BBOX1: variants seen among roughly 807,000 people sequenced by gnomAD.
BBOX1 encodes the protein gamma-butyrobetaine dioxygenase.
BBOX1 carries 35 observed loss-of-function variants against 41.6 expected under a neutral mutation model. The ratio of observed to expected loss-of-function variants is 0.84; its 90% CI spans 0.64 to 1.11. The LOEUF (loss-of-function observed/expected upper bound fraction) is 1.11. BBOX1 is among the 50% of genes most tolerant of loss of function. BBOX1 has a pLI of 0.00. For missense variants in BBOX1, 458 were observed against 460.6 expected (o/e 0.99, Z 0.05); for synonymous variants, 163 against 154.7 (o/e 1.05, Z -0.40).
chr11:27,062,051 G>A (rs1857147029), intron 4 of BBOX1, among the ~76,000 whole-genome samples: 1 of 152,182 alleles, frequency 6.6e-6, no homozygotes, highest in Non-Finnish European at 1.5e-5. Context: ...GGAACTTGAA[G>A]GGATGAAGGA....
intron 4 of BBOX1, among the ~76,000 whole-genome samples, chr11:27,080,651 G>A (rs866746413): frequency 2.0e-5 from 3 of 152,072 alleles, no homozygotes; most frequent in Non-Finnish European, 4.4e-5. Context: ...GACTCAGGCA[G>A]GTTGATGGAT....
At chr11:27,073,096 G>A (rs368869799) in intron 4 of BBOX1, among the ~76,000 whole-genome samples, 1 of 152,104 alleles carries the variant, frequency 6.6e-6, no homozygotes. Context: ...CTTCTGCACA[G>A]CAAAAGAAAC....
intron 4 of BBOX1, among the ~76,000 whole-genome samples, chr11:27,067,488 A>AT (rs1333273795): frequency 2.6e-5 from 4 of 151,932 alleles, no homozygotes; most frequent in African/African-American, 9.7e-5. Context: ...TAATCCCAGG[A>AT]TTTTGGGAGG....
At chr11:27,119,614 ATATT>A in intron 6 of BBOX1, 31 bp from the exon 7 acceptor site, 2 of 1,136,418 alleles carry the variant, frequency 1.8e-6, no homozygotes, top group Non-Finnish European at 2.3e-6. Flanking sequence ...ATGTAATTTA[ATATT>A]TATTTAATAA....
At chr11:27,117,206 G>A (rs551260811) in intron 6 of BBOX1, among the ~76,000 whole-genome samples, 1 of 151,972 alleles carries the variant, frequency 6.6e-6, no homozygotes, top group Non-Finnish European at 1.5e-5. Flanking sequence ...GAAAATTTGG[G>A]CAATTCTTAA....
At chr11:27,064,315 C>T (rs1163263417) in intron 4 of BBOX1, among the ~76,000 whole-genome samples, 1 of 152,074 alleles carries the variant, frequency 6.6e-6, no homozygotes, top group African/African-American at 2.4e-5. Flanking sequence ...TAAGCCACCA[C>T]ATCATCTTCC....
chr11:27,082,282 G>A (rs1158065450), intron 4 of BBOX1, among the ~76,000 whole-genome samples: 1 of 152,070 alleles, frequency 6.6e-6, no homozygotes, highest in Non-Finnish European at 1.5e-5. Flanking sequence ...GGTTTAAAAG[G>A]TATATTGTGC....
intron 7 of BBOX1, among the ~76,000 whole-genome samples, chr11:27,120,667 C>T (rs1214468640): frequency 6.6e-6 from 1 of 152,064 alleles, no homozygotes; most frequent in African/African-American, 2.4e-5. Flanking sequence ...AATTAACTTA[C>T]ATTTTGTTTC....
intron 7 of BBOX1, among the ~76,000 whole-genome samples, chr11:27,121,947 A>G (rs1262334003): frequency 6.6e-6 from 1 of 152,154 alleles, no homozygotes; most frequent in Non-Finnish European, 1.5e-5. Flanking sequence ...AAATTTCAAA[A>G]TTTGGCCATG....
intron 8 of BBOX1, 130 bp downstream of exon 8, chr11:27,125,950 C>T: frequency 2.1e-6 from 2 of 955,080 alleles, no homozygotes; most frequent in Non-Finnish European, 3.0e-6. Flanking sequence ...TCTTGGTGAG[C>T]AACTGACTTG....
chr11:27,109,765 T>G (rs1051837121), intron 5 of BBOX1, among the ~76,000 whole-genome samples: 4 of 151,896 alleles, frequency 2.6e-5, no homozygotes, highest in African/African-American at 9.7e-5. Flanking sequence ...AAAATGAACA[T>G]GAAACACTAG....
chr11:27,109,045 T>A (rs1858964284), intron 5 of BBOX1, among the ~76,000 whole-genome samples: 1 of 152,090 alleles, frequency 6.6e-6, no homozygotes, highest in Admixed American at 6.6e-5. Flanking sequence ...TCAAAAGTAT[T>A]TGTTGTACTC....
intron 3 of BBOX1, among the ~76,000 whole-genome samples, chr11:27,055,991 T>C (rs1050921237): frequency 5.9e-5 from 9 of 152,158 alleles, no homozygotes; most frequent in African/African-American, 1.9e-4. Flanking sequence ...TGTTTCTCTC[T>C]TCCAAATTTA....
In BBOX1 at chr11:27,115,442, C is replaced by T; in HGVS notation, c.534-10C>T. 4 of 1,601,892 alleles carry T rather than the reference C, an allele frequency of 2.5e-6. No individual in the cohort carries two copies. The highest frequency in any genetic ancestry group is 2.6e-6 in the Non-Finnish European group (3 of 1,173,316). On this transcript the variant is annotated splice_polypyrimidine_tract_variant and intron_variant, in intron 5 of 8. Transcript: ENST00000263182. Reference sequence around the variant, plus strand: ...AACCTGTTTAAACATGTGTTTCTTGCATTTTACAGACATACTTGGCAAGTG... The same window carrying T: ...AACCTGTTTAAACATGTGTTTCTTGTATTTTACAGACATACTTGGCAAGTG...
intron 5 of BBOX1, among the ~76,000 whole-genome samples, chr11:27,106,607 A>G (rs1220413220): frequency 6.6e-6 from 1 of 152,136 alleles, no homozygotes; most frequent in African/African-American, 2.4e-5. Context: ...GAGACCTACA[A>G]AGAGACTTAG....
intron 4 of BBOX1, among the ~76,000 whole-genome samples, chr11:27,078,002 G>T (rs1464158040): frequency 2.0e-5 from 3 of 151,936 alleles, no homozygotes; most frequent in African/African-American, 7.3e-5. Flanking sequence ...ATTCTTCACT[G>T]GGGCTTTCCA....
In BBOX1 at chr11:27,057,063, T is replaced by TAAAAAAAAAAAAAA. The variant is rs1459422645; in HGVS notation, c.220-138_220-137insAAAAAAAAAAAAAA. On this transcript the variant is annotated intron_variant, in intron 3 of 8. Transcript: ENST00000263182. ...CCTGGCAACAGAGGAAGACTCCGAC[T>TAAAAAAAAAAAAAA]TAAAAAAAAAAAAAAAAAAAAATTA... 144 of 149,762 alleles carry TAAAAAAAAAAAAAA rather than the reference T, an allele frequency of 9.6e-4. 25 individuals are homozygous for TAAAAAAAAAAAAAA. Among genetic ancestry groups the TAAAAAAAAAAAAAA allele is most frequent in the African/African-American group, 5.9e-3 (93 of 15,852 alleles). The allele number at this position is 149,762 out of a possible 1,614,324, so 9.3% of individuals were successfully genotyped here. A position where few individuals can be genotyped will look rare whatever the true frequency, so the allele number is the denominator to read the frequency against.
chr11:27,121,227 C>T (rs897946777), intron 7 of BBOX1, among the ~76,000 whole-genome samples: 7 of 151,938 alleles, frequency 4.6e-5, no homozygotes, highest in African/African-American at 1.7e-4. Context: ...CTGGAGTGTT[C>T]AAGGAACATC....
At chr11:27,116,453 C>G (rs1022553369) in intron 6 of BBOX1, among the ~76,000 whole-genome samples, 2 of 120,336 alleles carry the variant, frequency 1.7e-5, no homozygotes, top group Non-Finnish European at 3.4e-5. Flanking sequence ...GCACATGTAT[C>G]CCAGAACTTA....
Sources: gnomAD v4.1 joint callset for allele counts (sites outside exome capture counted in the v4.1 genomes callset) on GRCh38, gnomAD v4.1.1 for gene constraint, MANE v1.5 for transcripts, NCBI Gene and HGNC (gene_info 2026-07-23, HGNC 2026-07-21) for gene names.